The following TLE4 variants were observed in gnomAD, a reference collection of about 807,000 sequenced individuals.
TLE4 encodes TLE family member 4, transcriptional corepressor, also known as transducin-like enhancer protein 4.
A neutral mutation model predicts 92.8 loss-of-function variants in TLE4; 8 were observed. The ratio of observed to expected loss-of-function variants is 0.09; its 90% CI spans 0.05 to 0.16. The LOEUF (loss-of-function observed/expected upper bound fraction) is 0.16, where lower values mean the gene tolerates loss of function less well. Among genes scored for constraint, TLE4 ranks in the 10% least tolerant of loss-of-function variants. The pLI, the probability that TLE4 is intolerant of heterozygous loss-of-function variation, is 1.00. For synonymous variants in TLE4, 371 were observed against 374.1 expected, an observed-to-expected ratio of 0.99 and a Z score of 0.10; for missense variants, 675 against 997.6, an observed-to-expected ratio of 0.68 and a Z score of 4.36.
At chr9:79,724,949 C>A in intron 19 of TLE4, 88 bp from the exon 20 acceptor site, 1 of 829,424 alleles carries the variant, frequency 1.2e-6, no homozygotes, top group South Asian at 1.3e-5. Context: ...TCAAGGAGCA[C>A]ATTACATTTG....
At position 79,708,598 on chromosome 9, in the gene TLE4, A is replaced by G. The variant is rs1040029749; in HGVS notation, c.1075A>G (p.Ser359Gly). ...KPPGVDPLAS[S>G]LRTPMAVPCP... ...CCATCCATTTTGGTTTGCAGCCTCAAGCCTAAGGACCCCAATGGCAGTACC... is the reference window on the plus strand; with the variant it reads ...CCATCCATTTTGGTTTGCAGCCTCAGGCCTAAGGACCCCAATGGCAGTACC... The change falls in exon 13 of 20, where the codon AGC becomes GGC. Residue 359 changes from serine to glycine, a missense_variant. This residue lies in a region of TLE4 where 280 missense variants were observed against 287.3 expected (regional missense o/e 0.97). Transcript: ENST00000376552. 1 of 1,611,814 alleles carries G rather than the reference A, an allele frequency of 6.2e-7. No homozygotes were observed. Among genetic ancestry groups the G allele is most frequent in the Non-Finnish European group, 8.5e-7 (1 of 1,178,714 alleles).
chr9:79,600,444 A>G (rs566655710), intron 4 of TLE4, among the ~76,000 whole-genome samples: 1 of 152,292 alleles, frequency 6.6e-6, no homozygotes, highest in South Asian at 2.1e-4. Context: ...AGTGAATGGT[A>G]GTGGACTTTG....
chr9:79,620,738 A>G (rs2050747290), intron 5 of TLE4, among the ~76,000 whole-genome samples: 1 of 152,170 alleles, frequency 6.6e-6, no homozygotes, highest in Admixed American at 6.5e-5. Context: ...GAAATACCTG[A>G]GACTGGGTAA....
intron 15 of TLE4, 104 bp from the exon 16 acceptor site, chr9:79,719,942 A>G: frequency 6.9e-7 from 1 of 1,449,384 alleles, no homozygotes; most frequent in Admixed American, 2.3e-5. Context: ...TAAACGGCTC[A>G]TTAAACCAGG....
intron 8 of TLE4, among the ~76,000 whole-genome samples, chr9:79,674,406 A>T (rs899670999): frequency 2.6e-5 from 4 of 152,210 alleles, no homozygotes; most frequent in African/African-American, 9.6e-5. Context: ...TAGTCTTCAG[A>T]GCCCATGCTC....
rs757356203 is a variant in TLE4, at chr9:79,708,582, T to C, written c.1070-11T>C. The stretch of plus-strand genomic sequence containing the variant: ...GTTCTTCATTTTTCTTCCATCCATT[T>C]TGGTTTGCAGCCTCAAGCCTAAGGA... On this transcript the variant is annotated splice_polypyrimidine_tract_variant and intron_variant, in intron 12 of 19. Transcript: ENST00000376552. 2.5e-6 allele frequency: 4 copies of C among 1,603,280 alleles called. No homozygotes were observed. Among genetic ancestry groups the C allele is most frequent in the Non-Finnish European group, 3.4e-6 (4 of 1,174,012 alleles).
At chr9:79,653,681 G>A (rs1564670331) in intron 7 of TLE4, among the ~76,000 whole-genome samples, 1 of 152,156 alleles carries the variant, frequency 6.6e-6, no homozygotes, top group Non-Finnish European at 1.5e-5. Flanking sequence ...TATTAAGTCA[G>A]TGATTTTTAT....
chr9:79,723,603 A>C lies in TLE4; in HGVS notation c.2214+568A>C, dbSNP rs952803554. 3.3e-5 allele frequency among the ~76,000 whole-genome samples: 5 copies of C among 152,272 alleles called. No homozygotes were observed. The East Asian group carries it at 7.7e-4, about 23-fold the overall frequency. Reference sequence around the variant, plus strand: ...CACACACGCTCTCCTCCTCTCTCCTACTGGTATGTGAGAATTTCATAGGCA... The same window carrying C: ...CACACACGCTCTCCTCCTCTCTCCTCCTGGTATGTGAGAATTTCATAGGCA... On this transcript the variant is annotated intron_variant, in intron 19 of 19. Transcript: ENST00000376552.
chr9:79,723,443 A>G (rs1036432484), intron 19 of TLE4, among the ~76,000 whole-genome samples: 1 of 152,226 alleles, frequency 6.6e-6, no homozygotes, highest in Non-Finnish European at 1.5e-5. Context: ...GAAGAGTGTT[A>G]TGGAAAAGTT....
chr9:79,699,161 A>G (rs992900782), intron 8 of TLE4, among the ~76,000 whole-genome samples: 46 of 152,304 alleles, frequency 3.0e-4, no homozygotes, highest in African/African-American at 1.1e-3. Flanking sequence ...TGGATGATTC[A>G]TGACTATAGA....
At chr9:79,648,054 G>A (rs2058369850) in intron 6 of TLE4, among the ~76,000 whole-genome samples, 1 of 152,104 alleles carries the variant, frequency 6.6e-6, no homozygotes, top group East Asian at 1.9e-4. Flanking sequence ...CTAGTGTTGC[G>A]GGCAGAGAGT....
intron 4 of TLE4, among the ~76,000 whole-genome samples, chr9:79,578,366 T>C (rs1170895523): frequency 6.6e-6 from 1 of 152,202 alleles, no homozygotes; most frequent in Non-Finnish European, 1.5e-5. Context: ...GGCCCTGATA[T>C]TTGAAACCTT....
At chr9:79,609,150 A>T (rs2047781588) in intron 4 of TLE4, among the ~76,000 whole-genome samples, 1 of 152,076 alleles carries the variant, frequency 6.6e-6, no homozygotes, top group Admixed American at 6.6e-5. Flanking sequence ...ATAGATGATA[A>T]ATTTTCCAAT....
At chr9:79,674,421 T>C (rs571324780) in intron 8 of TLE4, among the ~76,000 whole-genome samples, 5 of 152,270 alleles carry the variant, frequency 3.3e-5, no homozygotes, top group African/African-American at 1.2e-4. Context: ...ATGCTCATTA[T>C]CTCTATTCTA....
chr9:79,700,488 G>A (rs1165014987), intron 8 of TLE4, among the ~76,000 whole-genome samples: 1 of 152,160 alleles, frequency 6.6e-6, no homozygotes, highest in East Asian at 1.9e-4. Context: ...ATCTGACTTG[G>A]TCAACAGCCC....
chr9:79,684,101 CAT>C (rs1394171783), intron 8 of TLE4, among the ~76,000 whole-genome samples: 2 of 152,168 alleles, frequency 1.3e-5, no homozygotes, highest in African/African-American at 2.4e-5. Context: ...TCCTATAATG[CAT>C]ATCCTCAATT....
At chr9:79,633,249 A>G (rs995151462) in intron 6 of TLE4, among the ~76,000 whole-genome samples, 4 of 152,174 alleles carry the variant, frequency 2.6e-5, no homozygotes, top group African/African-American at 9.6e-5. Context: ...CCACTAGGTA[A>G]GGAATAGGAT....
intron 8 of TLE4, among the ~76,000 whole-genome samples, chr9:79,680,880 A>G (rs925731009): frequency 6.6e-6 from 1 of 152,180 alleles, no homozygotes; most frequent in African/African-American, 2.4e-5. Flanking sequence ...ATCTATTGAG[A>G]TAATCATGTG....
At chr9:79,602,472 A>T (rs1011575547) in intron 4 of TLE4, among the ~76,000 whole-genome samples, 5 of 152,192 alleles carry the variant, frequency 3.3e-5, no homozygotes, top group African/African-American at 1.2e-4. Flanking sequence ...TCATTCCAAA[A>T]ATCCTAGCGC....
Sources: allele counts gnomAD v4.1 joint callset (sites outside exome capture counted in the v4.1 genomes callset), GRCh38; gene constraint gnomAD v4.1.1; regional missense constraint gnomAD v4.1.1; transcripts MANE v1.5; gene names NCBI Gene and HGNC (gene_info 2026-07-23, HGNC 2026-07-21).